Variants in ERBB4 observed in about 807,000 individuals in gnomAD.
The protein encoded by ERBB4 is receptor tyrosine-protein kinase erbB-4.
A neutral mutation model predicts 158.0 loss-of-function variants in ERBB4; 42 were observed. That is an observed-to-expected ratio of 0.27 (90% CI 0.21 to 0.34). The LOEUF (loss-of-function observed/expected upper bound fraction) is 0.34, where lower values mean the gene tolerates loss of function less well. Among genes scored for constraint, ERBB4 ranks in the 10% least tolerant of loss-of-function variants. ERBB4 has a pLI of 1.00. For missense variants in ERBB4, 1,333 were observed against 1,624.1 expected (o/e 0.82, Z 3.08); for synonymous variants, 583 against 558.7 (o/e 1.04, Z -0.61).
chr2:211,848,921 A>C (rs2077654572), intron 3 of ERBB4, among the ~76,000 whole-genome samples: 1 of 152,088 alleles, frequency 6.6e-6, no homozygotes, highest in Admixed American at 6.6e-5. Flanking sequence ...CATGGTACAT[A>C]AATTTATTTC....
At chr2:212,193,718 G>T (rs2082342173) in intron 1 of ERBB4, among the ~76,000 whole-genome samples, 1 of 151,734 alleles carries the variant, frequency 6.6e-6, no homozygotes, top group Non-Finnish European at 1.5e-5. Context: ...TATTTAAAAT[G>T]GAATTTAATA....
At chr2:211,831,024 CAA>C (rs1328539791) in intron 3 of ERBB4, among the ~76,000 whole-genome samples, 2 of 151,410 alleles carry the variant, frequency 1.3e-5, no homozygotes, top group Non-Finnish European at 2.9e-5. Flanking sequence ...AAAAAAAACC[CAA>C]GTCATAAAAG....
At chr2:211,906,993 A>G (rs1013905645) in intron 3 of ERBB4, among the ~76,000 whole-genome samples, 2 of 151,680 alleles carry the variant, frequency 1.3e-5, no homozygotes, top group Non-Finnish European at 2.9e-5. Context: ...TGTGCCATTA[A>G]AATAATGATA....
intron 19 of ERBB4, among the ~76,000 whole-genome samples, chr2:211,567,902 A>G (rs1443787201): frequency 6.6e-6 from 1 of 151,976 alleles, no homozygotes; most frequent in Non-Finnish European, 1.5e-5. Context: ...TAAAAAAGGG[A>G]AAAATCCCAA....
chr2:211,591,339 A>T (rs892393457), intron 19 of ERBB4, among the ~76,000 whole-genome samples: 7 of 152,078 alleles, frequency 4.6e-5, no homozygotes, highest in Non-Finnish European at 7.4e-5. Context: ...GAGGGTCTTA[A>T]TTTTTTTCCC....
intron 4 of ERBB4, among the ~76,000 whole-genome samples, chr2:211,770,313 C>A (rs1450096175): frequency 6.6e-6 from 1 of 152,088 alleles, no homozygotes; most frequent in African/African-American, 2.4e-5. Context: ...AGGAAATATG[C>A]AATACAGAAT....
At chr2:211,789,648 G>C (rs1043353735) in intron 3 of ERBB4, among the ~76,000 whole-genome samples, 1 of 152,098 alleles carries the variant, frequency 6.6e-6, no homozygotes, top group Admixed American at 6.6e-5. Context: ...ACAAAACCCA[G>C]ACCAGCAGGG....
At chr2:211,776,505 G>A (rs1056802445) in intron 4 of ERBB4, among the ~76,000 whole-genome samples, 6 of 152,110 alleles carry the variant, frequency 3.9e-5, no homozygotes, top group South Asian at 2.1e-4. Context: ...GGGGATACTT[G>A]CATGTGTAAT....
rs2063681823 is a variant in ERBB4, at chr2:211,428,461, A to G, written c.2666T>C (p.Leu889Pro). ...GAATTTCCTGTAATGTATACACTCC[A>G]GAGCCATCCATTTAATTGGCATCTA... ...GGKMPIKWMA[L>P]ECIHYRKFTH... Residue 889 changes from leucine to proline, a missense_variant, in exon 22 of 28, where the codon CTG becomes CCG. Physicochemically the swap from Leu to Pro is moderately conservative, Grantham distance 98. This residue lies in a region of ERBB4 where 314 missense variants were observed against 437.6 expected (regional missense o/e 0.72). Transcript: ENST00000342788. 1.3e-6 allele frequency: 2 copies of G among 1,579,618 alleles called. No homozygotes were observed. Among genetic ancestry groups the G allele is most frequent in the South Asian group, 1.1e-5 (1 of 90,230 alleles).
At chr2:212,528,839 G>A (rs997204373) in intron 1 of ERBB4, among the ~76,000 whole-genome samples, 2 of 152,124 alleles carry the variant, frequency 1.3e-5, no homozygotes, top group African/African-American at 4.8e-5. Context: ...TCTCAGTTCA[G>A]TTATACTGCA....
chr2:212,241,383 C>T (rs1296489240), intron 1 of ERBB4, among the ~76,000 whole-genome samples: 1 of 152,130 alleles, frequency 6.6e-6, no homozygotes, highest in African/African-American at 2.4e-5. Context: ...ATAACATCAT[C>T]AAAATGATCT....
intron 4 of ERBB4, among the ~76,000 whole-genome samples, chr2:211,769,840 C>G (rs2075647020): frequency 6.6e-6 from 1 of 152,210 alleles, no homozygotes; most frequent in Non-Finnish European, 1.5e-5. Flanking sequence ...CTGTTTTATT[C>G]TAGCAGCACC....
intron 1 of ERBB4, among the ~76,000 whole-genome samples, chr2:212,264,115 C>T (rs2085044337): frequency 6.6e-6 from 1 of 152,034 alleles, no homozygotes; most frequent in Non-Finnish European, 1.5e-5. Context: ...GTGGATGGCT[C>T]CACAGAAAGG....
chr2:211,865,472 G>C (rs1381419546), intron 3 of ERBB4, among the ~76,000 whole-genome samples: 2 of 152,060 alleles, frequency 1.3e-5, no homozygotes, highest in East Asian at 3.9e-4. Flanking sequence ...AAAATAAGTT[G>C]ATAATTATAT....
chr2:212,333,125 T>A (rs1348549492), intron 1 of ERBB4, among the ~76,000 whole-genome samples: 1 of 152,028 alleles, frequency 6.6e-6, no homozygotes, highest in Non-Finnish European at 1.5e-5. Context: ...ATTCAGTAGA[T>A]GGGTATAAAA....
At chr2:211,774,972 T>C (rs2106282789) in intron 4 of ERBB4, among the ~76,000 whole-genome samples, 1 of 152,284 alleles carries the variant, frequency 6.6e-6, no homozygotes, top group East Asian at 1.9e-4. Context: ...GATAGTTCGA[T>C]GTTGAACTTA....
intron 20 of ERBB4, among the ~76,000 whole-genome samples, chr2:211,550,574 A>AATATATATATATATATATATATATAT (rs376362405): frequency 8.0e-5 from 11 of 136,898 alleles, no homozygotes; most frequent in African/African-American, 3.0e-4. Flanking sequence ...CATTCCTTAG[A>AATATATATATATATATATATATATAT]ATATATATAT....
chr2:212,285,792 C>CG (rs2085938561), intron 1 of ERBB4, among the ~76,000 whole-genome samples: 2 of 152,114 alleles, frequency 1.3e-5, no homozygotes, highest in Admixed American at 1.3e-4. Context: ...CTACAATATA[C>CG]AGCTTGGTAT....
chr2:212,191,703 GTGTTATACATGTTA>G (rs2082224571), intron 1 of ERBB4, among the ~76,000 whole-genome samples: 2 of 38,198 alleles, frequency 5.2e-5, no homozygotes, highest in Non-Finnish European at 7.9e-5. Flanking sequence ...CATATAACAC[GTGTTATACATGTTA>G]CATATAACAC....
Sources: gnomAD v4.1 joint callset for allele counts (sites outside exome capture counted in the v4.1 genomes callset) on GRCh38, gnomAD v4.1.1 for gene constraint, gnomAD v4.1.1 regional missense constraint, MANE v1.5 for transcripts, NCBI Gene and HGNC (gene_info 2026-07-23, HGNC 2026-07-21) for gene names.